The following FBXL5 variants were observed in gnomAD, a reference collection of about 807,000 sequenced individuals.
The protein encoded by FBXL5 is F-box and leucine rich repeat protein 5, also known as F-box/LRR-repeat protein 5.
In FBXL5, 26 loss-of-function variants were observed where a neutral mutation model predicts 78.3. That is an observed-to-expected ratio of 0.33 (90% CI 0.24 to 0.46). The LOEUF (loss-of-function observed/expected upper bound fraction) is 0.46, where lower values mean the gene tolerates loss of function less well. Among genes scored for constraint, FBXL5 ranks in the 20% least tolerant of loss-of-function variants. The pLI, the probability that FBXL5 is intolerant of heterozygous loss-of-function variation, is 1.00. For missense variants in FBXL5, 710 were observed against 829.2 expected (o/e 0.86, Z 1.77); for synonymous variants, 295 against 282.5 (o/e 1.04, Z -0.45).
chr4:15,673,340 C>T (rs564066322), intron 1 of FBXL5, among the ~76,000 whole-genome samples: 1 of 152,176 alleles, frequency 6.6e-6, no homozygotes, highest in East Asian at 1.9e-4. Flanking sequence ...ACTTGGGAGG[C>T]TGAGGTGGGA....
upstream of FBXL5, among the ~76,000 whole-genome samples, chr4:15,663,593 C>T (rs1019179926): frequency 4.6e-5 from 7 of 152,208 alleles, no homozygotes; most frequent in Admixed American, 3.3e-4. Context: ...CTATTCTGCT[C>T]ACTCATCTGT....
At chr4:15,655,463 C>T (rs890403343), upstream of FBXL5, 92 of 902,456 alleles carry the variant, frequency 1.0e-4, no homozygotes, top group African/African-American at 1.1e-3. Context: ...CCATGCGATC[C>T]CTGCGGCCCA....
At chr4:15,638,193 G>A (rs886102749) in intron 4 of FBXL5, among the ~76,000 whole-genome samples, 1 of 152,166 alleles carries the variant, frequency 6.6e-6, no homozygotes, top group African/African-American at 2.4e-5. Flanking sequence ...CAACAATTTT[G>A]ACTGATCGAT....
chr4:15,605,703 C>T lies in FBXL5; in HGVS notation c.*20G>A. 6.2e-7 allele frequency: 1 copy of T among 1,610,196 alleles called. No individual in the cohort carries two copies. The highest frequency in any genetic ancestry group is 8.5e-7 in the Non-Finnish European group (1 of 1,177,102). On this transcript the variant is annotated 3_prime_UTR_variant, in exon 11 of 11. Coordinates refer to ENST00000341285, the MANE Select transcript of FBXL5 (RefSeq NM_012161.4). Reference sequence around the variant, plus strand: ...AGCCTGCTCAGCTAAATGAAGTAGACAAAGATCAGAAGTCAAGGGTCATTC... The same window carrying T: ...AGCCTGCTCAGCTAAATGAAGTAGATAAAGATCAGAAGTCAAGGGTCATTC...
At chr4:15,649,653 TTA>T (rs1269150878) in intron 1 of FBXL5, among the ~76,000 whole-genome samples, 4 of 151,920 alleles carry the variant, frequency 2.6e-5, no homozygotes, top group Non-Finnish European at 4.4e-5. Context: ...TGAAATCTGT[TTA>T]TATAAATAGT....
At position 15,622,313 on chromosome 4, in the gene FBXL5, C is replaced by G. The variant is rs142550644; in HGVS notation, c.1850+2939G>C. 2.8e-3 allele frequency among the ~76,000 whole-genome samples: 434 copies of G among 152,334 alleles called. 4 individuals are homozygous for G. Among genetic ancestry groups the G allele is most frequent in the Non-Finnish European group, 5.4e-3 (366 of 68,030 alleles). On this transcript the variant is annotated intron_variant, in intron 9 of 10. Transcript: ENST00000341285. Reference sequence around the variant, plus strand: ...GAGTTGTATTTTTTCCTCAAACCTACTGACACAAGTTGTACTTACTGTAAC... The same window carrying G: ...GAGTTGTATTTTTTCCTCAAACCTAGTGACACAAGTTGTACTTACTGTAAC...
chr4:15,612,178 A>G, intron 10 of FBXL5, 88 bp downstream of exon 10: 1 of 1,080,076 alleles, frequency 9.3e-7, no homozygotes, highest in East Asian at 2.9e-5. Flanking sequence ...TTAGAAATCT[A>G]GAAAACTAAA....
chr4:15,670,359 C>T (rs901542704), intron 1 of FBXL5, among the ~76,000 whole-genome samples: 3 of 152,222 alleles, frequency 2.0e-5, no homozygotes, highest in Non-Finnish European at 4.4e-5. Flanking sequence ...CCAGTGGTTG[C>T]TCCGTTTTGC....
intron 6 of FBXL5, among the ~76,000 whole-genome samples, 156 bp downstream of exon 6, chr4:15,630,507 TTCA>T (rs776215286): frequency 7.9e-5 from 12 of 152,164 alleles, no homozygotes; most frequent in Admixed American, 2.0e-4. Context: ...AATTTAAAAT[TTCA>T]TTATTATTCC....
upstream of FBXL5, among the ~76,000 whole-genome samples, chr4:15,663,747 C>T (rs569969229): frequency 4.6e-5 from 7 of 152,282 alleles, no homozygotes; most frequent in African/African-American, 1.7e-4. Flanking sequence ...TCAACAAACA[C>T]TAGGTGACTA....
intron 9 of FBXL5, among the ~76,000 whole-genome samples, chr4:15,620,558 G>T (rs898355700): frequency 6.6e-6 from 1 of 152,238 alleles, no homozygotes; most frequent in Non-Finnish European, 1.5e-5. Flanking sequence ...TCAAAACAGT[G>T]TTGCCACTTC....
Position 15,638,568 on chromosome 4 carries a change from T to C in FBXL5, c.523A>G (p.Asn175Asp). The C allele has an allele frequency of 6.2e-7, 1 of 1,608,500 alleles. No homozygotes were observed. Among genetic ancestry groups the C allele is most frequent in the East Asian group, 2.2e-5 (1 of 44,792 alleles). The change falls in exon 4 of 11, where the codon AAT becomes GAT. Residue 175 changes from asparagine (N) to aspartate (D), a missense_variant. Physicochemically the swap from Asn to Asp is conservative, Grantham distance 23 (BLOSUM62 1). This residue lies in a region of FBXL5 where 517 missense variants were observed against 542.9 expected (regional missense o/e 0.95). Transcript: ENST00000341285. ...AACTTCTGTCGCTCTTCAGCATGAT[T>C]CCATAGGCTAAGACCTCTAAGGAGT... ...AELLRGLSLW[N>D]HAEERQKFFK... is the part of the protein sequence containing the mutation.
At chr4:15,649,593 A>G (rs913118885) in intron 1 of FBXL5, among the ~76,000 whole-genome samples, 2 of 151,526 alleles carry the variant, frequency 1.3e-5, no homozygotes, top group Non-Finnish European at 2.9e-5. Context: ...AAAAAAAAAA[A>G]AAAAGAAAGA....
chr4:15,671,217 C>T (rs1024228736), intron 1 of FBXL5, among the ~76,000 whole-genome samples: 1 of 151,970 alleles, frequency 6.6e-6, no homozygotes. Flanking sequence ...AGTCACTGCA[C>T]CTGGCCTGGG....
At chr4:15,614,305 G>A (rs1711557233) in intron 9 of FBXL5, among the ~76,000 whole-genome samples, 2 of 152,218 alleles carry the variant, frequency 1.3e-5, no homozygotes, top group South Asian at 2.1e-4. Context: ...AGGTCTCTCA[G>A]CCATGGGTAC....
chr4:15,656,611 AGT>A (rs1166623018), upstream of FBXL5, among the ~76,000 whole-genome samples: 2 of 152,222 alleles, frequency 1.3e-5, no homozygotes, highest in Non-Finnish European at 2.9e-5. Context: ...TATTATAGAC[AGT>A]GTGAACAGTG....
At chr4:15,641,534 G>A (rs1001397915) in intron 2 of FBXL5, 1 of 423,216 alleles carries the variant, frequency 2.4e-6, no homozygotes, top group Non-Finnish European at 4.7e-6. Context: ...CTTACTGTAA[G>A]AATCCAGTAT....
intron 9 of FBXL5, among the ~76,000 whole-genome samples, chr4:15,617,563 G>GA (rs1412077836): frequency 8.1e-6 from 1 of 123,688 alleles, no homozygotes; most frequent in East Asian, 2.4e-4. Flanking sequence ...AAAAAAAAAA[G>GA]AAAGAAAACG....
chr4:15,612,107 A>C lies in FBXL5; in HGVS notation c.1999+159T>G, dbSNP rs557991136. 43 of 560,532 alleles carry C rather than the reference A, an allele frequency of 7.7e-5. No homozygotes were observed. The South Asian group carries it at 1.8e-3, about 23-fold the overall frequency. The allele number at this position is 560,532 out of a possible 1,614,324, so 34.7% of individuals were successfully genotyped here. Reference sequence around the variant, plus strand: ...TTACCTTTCAAGATGTTAATTAATGAAAATGTAATTTTAAAATTTTATCAA... The same window carrying C: ...TTACCTTTCAAGATGTTAATTAATGCAAATGTAATTTTAAAATTTTATCAA... On this transcript the variant is annotated intron_variant, in intron 10 of 10. Coordinates refer to ENST00000341285, the MANE Select transcript of FBXL5 (RefSeq NM_012161.4).
Sources: allele counts gnomAD v4.1 joint callset (sites outside exome capture counted in the v4.1 genomes callset), GRCh38; gene constraint gnomAD v4.1.1; regional missense constraint gnomAD v4.1.1; transcripts MANE v1.5; gene names NCBI Gene and HGNC (gene_info 2026-07-23, HGNC 2026-07-21).